The following PPP2R5E variants were observed in gnomAD, a reference collection of about 807,000 sequenced individuals.
PPP2R5E encodes serine/threonine-protein phosphatase 2A 56 kDa regulatory subunit epsilon isoform.
A neutral mutation model predicts 65.3 loss-of-function variants in PPP2R5E; 4 were observed. The ratio of observed to expected loss-of-function variants is 0.06; its 90% CI spans 0.03 to 0.14. PPP2R5E has a LOEUF of 0.14. Ranked by LOEUF, PPP2R5E falls within the 10% of genes least tolerant of loss-of-function variation. The probability of loss-of-function intolerance (pLI) is 1.00; values close to 1 mark genes in which losing one functional copy is unlikely to be tolerated. For synonymous variants in PPP2R5E, 183 were observed against 187.4 expected (o/e 0.98, Z 0.19); for missense variants, 274 against 556.1 (o/e 0.49, Z 5.10).
chr14:63,504,216 A>ATTTTCTTGGCAAGCAAAAC (rs1892046588), intron 2 of PPP2R5E, among the ~76,000 whole-genome samples: 2 of 151,956 alleles, frequency 1.3e-5, no homozygotes, highest in African/African-American at 4.8e-5. Flanking sequence ...TACCTCTCAC[A>ATTTTCTTGGCAAGCAAAAC]TTTTCTTGGC....
At chr14:63,502,942 A>G (rs894514663) in intron 2 of PPP2R5E, among the ~76,000 whole-genome samples, 4 of 152,190 alleles carry the variant, frequency 2.6e-5, no homozygotes, top group African/African-American at 9.6e-5. Flanking sequence ...AGCCTGGGCA[A>G]CATAGCAAGA....
intron 2 of PPP2R5E, among the ~76,000 whole-genome samples, chr14:63,486,888 C>T (rs76318368): frequency 0.02 from 3,070 of 152,296 alleles, 43 homozygotes; most frequent in Non-Finnish European, 0.03. Context: ...CTCTCCCATC[C>T]TTTGAGCTGC....
chr14:63,445,454 T>G (rs1412838184), intron 3 of PPP2R5E, among the ~76,000 whole-genome samples: 1 of 152,254 alleles, frequency 6.6e-6, no homozygotes, highest in Admixed American at 6.5e-5. Context: ...TAATCTTTTT[T>G]GCTGGTGGAG....
chr14:63,388,111 TC>T lies in PPP2R5E; in HGVS notation c.1074+1500del, dbSNP rs1486266213. ...AACGCTTAGGCCTTTCTGGTGATGC[TC>T]TTTTTTTTTTTTTCTCCTTTCTTTT... is the stretch of plus-strand genomic sequence containing the variant. On this transcript the variant is annotated intron_variant, in intron 11 of 13. Transcript: ENST00000337537. Among the ~76,000 whole-genome samples the T allele has an allele frequency of 4.5e-5, 6 of 133,412 alleles. No homozygotes were observed. In the South Asian group the frequency reaches 1.1e-3, roughly 24 times the overall value. 87.5% of individuals were successfully genotyped at this position (133,412 alleles called of 152,430 possible).
intron 2 of PPP2R5E, among the ~76,000 whole-genome samples, chr14:63,487,605 T>C (rs1891060839): frequency 6.6e-6 from 1 of 152,232 alleles, no homozygotes; most frequent in Non-Finnish European, 1.5e-5. Flanking sequence ...GAGAGGTATA[T>C]CTATGTTTTG....
intron 4 of PPP2R5E, among the ~76,000 whole-genome samples, chr14:63,421,325 C>A (rs141629750): frequency 6.6e-6 from 1 of 152,016 alleles, no homozygotes; most frequent in African/African-American, 2.4e-5. Context: ...AAGGAAGGAA[C>A]GAGCTGGAAA....
chr14:63,400,699 C>A lies in PPP2R5E; in HGVS notation c.550-3983G>T, dbSNP rs866110292. 2.4e-3 allele frequency among the ~76,000 whole-genome samples: 179 copies of A among 73,744 alleles called. 1 individual carries two copies. The highest frequency in any genetic ancestry group is 5.4e-3 in the South Asian group (8 of 1,476). 48.4% of individuals were successfully genotyped at this position (73,744 alleles called of 152,430 possible). The stretch of plus-strand genomic sequence containing the variant: ...AGAAAGGCATGTGGCCCCAACCAGC[C>A]AAAAAAAAAAGGCCCCATATAGACT... On this transcript the variant is annotated intron_variant, in intron 5 of 13. Coordinates refer to ENST00000337537, the MANE Select transcript of PPP2R5E (RefSeq NM_006246.5).
intron 2 of PPP2R5E, among the ~76,000 whole-genome samples, chr14:63,533,543 A>T (rs1893531797): frequency 6.6e-6 from 1 of 152,214 alleles, no homozygotes; most frequent in African/African-American, 2.4e-5. Context: ...CCTGGGCAAC[A>T]AGAGCTAAAC....
At chr14:63,538,644 T>C (rs933227863) in intron 2 of PPP2R5E, among the ~76,000 whole-genome samples, 5 of 151,746 alleles carry the variant, frequency 3.3e-5, no homozygotes, top group African/African-American at 1.2e-4. Flanking sequence ...ACCAAAAAAC[T>C]TGTTTTTAAC....
In PPP2R5E at chr14:63,384,510, T is replaced by C; in HGVS notation, c.1136A>G (p.Asn379Ser). ...NEYIMSLIEE[N>S]SNVILPIMFS... The stretch of plus-strand genomic sequence containing the variant: ...CATGATGGGAAGGATGACGTTAGAG[T>C]TTTCTTCTATCAAACTCATGATGTA... The change falls in exon 12 of 14, where the codon AAC becomes AGC. Residue 379 changes from asparagine (N) to serine (S), a missense_variant. By Grantham distance (46) the Asn-to-Ser change is conservative (BLOSUM62 1). This residue lies in a region of PPP2R5E where 129 missense variants were observed against 254.9 expected (regional missense o/e 0.51). Transcript: ENST00000337537. 6.2e-7 allele frequency: 1 copy of C among 1,613,748 alleles called. No homozygotes were observed. The highest frequency in any genetic ancestry group is 8.5e-7 in the Non-Finnish European group (1 of 1,179,868).
At chr14:63,384,641 T>C (rs12433884) in intron 11 of PPP2R5E, 70 bp from the exon 12 acceptor site, 149,755 of 1,351,576 alleles carry the variant, frequency 0.11, 14,218 homozygotes, top group East Asian at 0.49. Flanking sequence ...TATAAATCTT[T>C]CCAAACAAAA....
rs180999185 is a variant in PPP2R5E, at chr14:63,389,514, A to T, written c.1074+98T>A. 3.7e-6 allele frequency: 5 copies of T among 1,346,306 alleles called. No individual in the cohort carries two copies. In the East Asian group the frequency reaches 1.3e-4, roughly 34 times the overall value. The allele number at this position is 1,346,306 out of a possible 1,614,324, so 83.4% of individuals were successfully genotyped here. ...CATCATGTGAGGGGATAGCAAATAA[A>T]CAATAGGTAGCTAGGGTCCATTACA... On this transcript the variant is annotated intron_variant, in intron 11 of 13. Transcript: ENST00000337537.
At chr14:63,486,691 C>T (rs956773224) in intron 2 of PPP2R5E, among the ~76,000 whole-genome samples, 1 of 152,038 alleles carries the variant, frequency 6.6e-6, no homozygotes, top group African/African-American at 2.4e-5. Flanking sequence ...CCTTTTTCCC[C>T]ACCATCCCGC....
In PPP2R5E at chr14:63,430,397, ACATG is replaced by A. The variant is rs61170314; in HGVS notation, c.355-8307_355-8304del. On this transcript the variant is annotated intron_variant, in intron 3 of 13. Transcript: ENST00000337537. Reference sequence around the variant, plus strand: ...TGCATGCATACATACATACATACATACATGCATACATACATACATACATGCATAC... The same window carrying A: ...TGCATGCATACATACATACATACATACATACATACATACATACATGCATAC... Among the ~76,000 whole-genome samples the A allele has an allele frequency of 3.4e-3, 471 of 137,188 alleles. 3 individuals carry two copies. Among genetic ancestry groups the A allele is most frequent in the African/African-American group, 0.013 (423 of 31,696 alleles). 90.0% of individuals were successfully genotyped at this position (137,188 alleles called of 152,430 possible).
At chr14:63,420,103 T>A (rs538240801) in intron 4 of PPP2R5E, among the ~76,000 whole-genome samples, 1 of 152,200 alleles carries the variant, frequency 6.6e-6, no homozygotes, top group South Asian at 2.1e-4. Flanking sequence ...TATCATGACA[T>A]AGAATATTCA....
intron 5 of PPP2R5E, among the ~76,000 whole-genome samples, chr14:63,403,177 A>C (rs1885854610): frequency 6.6e-6 from 1 of 152,210 alleles, no homozygotes; most frequent in Admixed American, 6.5e-5. Context: ...CTGTAATCCC[A>C]GCACTTTGGA....
intron 11 of PPP2R5E, among the ~76,000 whole-genome samples, chr14:63,385,351 G>T (rs1055321143): frequency 1.3e-5 from 2 of 152,104 alleles, no homozygotes; most frequent in African/African-American, 4.8e-5. Flanking sequence ...AAAAAGTCCA[G>T]AGTGGTTCAA....
rs36182172 is a variant in PPP2R5E, at chr14:63,430,346, TATACATACATAC to T, written c.355-8264_355-8253del. Among the ~76,000 whole-genome samples, 35 of 135,148 alleles carry T rather than the reference TATACATACATAC, an allele frequency of 2.6e-4. 1 individual carries two copies. The highest frequency in any genetic ancestry group is 1.0e-3 in the African/African-American group (32 of 31,016). 88.7% of individuals were successfully genotyped at this position (135,148 alleles called of 152,430 possible). On this transcript the variant is annotated intron_variant, in intron 3 of 13. Coordinates refer to ENST00000337537, the MANE Select transcript of PPP2R5E (RefSeq NM_006246.5). ...GTGGCCACAATGGAGAAAACCCATG[TATACATACATAC>T]ATACATACATACATGCATGCATACA... is the stretch of plus-strand genomic sequence containing the variant.
At chr14:63,538,173 C>T (rs192192984) in intron 2 of PPP2R5E, among the ~76,000 whole-genome samples, 1 of 152,048 alleles carries the variant, frequency 6.6e-6, no homozygotes, top group East Asian at 1.9e-4. Flanking sequence ...GTCCCAGCTA[C>T]TCGGGAAGTT....
Sources: gnomAD v4.1 joint callset for allele counts (sites outside exome capture counted in the v4.1 genomes callset) on GRCh38, gnomAD v4.1.1 for gene constraint, gnomAD v4.1.1 regional missense constraint, MANE v1.5 for transcripts, NCBI Gene and HGNC (gene_info 2026-07-23, HGNC 2026-07-21) for gene names.